ASAP2: variants seen among roughly 807,000 people sequenced by gnomAD.
The protein encoded by ASAP2 is arf-GAP with SH3 domain, ANK repeat and PH domain-containing protein 2.
A neutral mutation model predicts 131.4 loss-of-function variants in ASAP2; 45 were observed. That is an observed-to-expected ratio of 0.34 (90% confidence interval 0.27 to 0.44). The LOEUF is 0.44. Among genes scored for constraint, ASAP2 ranks in the 20% least tolerant of loss-of-function variants. ASAP2 has a pLI of 1.00. For missense variants in ASAP2, 1,011 were observed against 1,297.0 expected, an observed-to-expected ratio of 0.78 and a Z score of 3.39; for synonymous variants, 510 against 503.0, an observed-to-expected ratio of 1.01 and a Z score of -0.19.
At chr2:9,385,545 C>T (rs1025309776) in intron 21 of ASAP2, among the ~76,000 whole-genome samples, 187 bp downstream of exon 21, 3 of 152,160 alleles carry the variant, frequency 2.0e-5, no homozygotes, top group Non-Finnish European at 4.4e-5. Context: ...TCTCCCAGCT[C>T]CTGCACCCAT....
intron 1 of ASAP2, among the ~76,000 whole-genome samples, chr2:9,238,796 C>A (rs1663736130): frequency 6.6e-6 from 1 of 152,148 alleles, no homozygotes; most frequent in Non-Finnish European, 1.5e-5. Context: ...ACCTAAAACA[C>A]CCCGAAAGCT....
chr2:9,240,563 A>C (rs1021814618), intron 1 of ASAP2, among the ~76,000 whole-genome samples: 4 of 151,942 alleles, frequency 2.6e-5, no homozygotes, highest in Non-Finnish European at 4.4e-5. Flanking sequence ...AAAGTTAATG[A>C]TTTTTCCATC....
rs188866275 is a variant in ASAP2 at position 9,284,066 on chromosome 2, C to T, written c.199+4677C>T. On this transcript the variant is annotated intron_variant, in intron 2 of 27. Coordinates refer to ENST00000281419, the MANE Select transcript of ASAP2 (RefSeq NM_003887.3). ...CCCTTGTGATGACATTGGCCTCATC[C>T]AGATAATCCAGATAATCTCCCCATC... 1.3e-4 allele frequency among the ~76,000 whole-genome samples: 20 copies of T among 152,304 alleles called. 1 individual carries two copies. The East Asian group carries it at 3.3e-3, about 25-fold the overall frequency.
At position 9,391,141 on chromosome 2, in the gene ASAP2, G is replaced by T. The variant is rs146275239; in HGVS notation, c.2463G>T (p.Ser821=). ...ACGGTGGAAGCCGGCAGCGATCTTC[G>T]TCAGATCCGCCAGCTGTCCATCCAC... ...SVDGGSRQRS[S]SDPPAVHPPL... is the part of the protein sequence containing the mutation. The change falls in exon 23 of 28, where the codon TCG becomes TCT. Residue 821 remains serine (S), a synonymous_variant. Coordinates refer to ENST00000281419, the MANE Select transcript of ASAP2 (RefSeq NM_003887.3). 1 of 1,613,968 alleles carries T rather than the reference G, an allele frequency of 6.2e-7. No individual in the cohort carries two copies. Among genetic ancestry groups the T allele is most frequent in the Non-Finnish European group, 8.5e-7 (1 of 1,179,978 alleles).
At position 9,268,152 on chromosome 2, in the gene ASAP2, C is replaced by T. The variant is rs1210494783; in HGVS notation, c.127-11165C>T. On this transcript the variant is annotated intron_variant, in intron 1 of 27. Transcript: ENST00000281419. The surrounding 1 kb of genome is among the most constrained non-coding windows in gnomAD (Gnocchi z 4.1). ...TTGCTCAACATTTTTGTCAAGTTCACTTGTGTTGTGGGGTAAGTTTGTTCT... is the reference window on the plus strand; with the variant it reads ...TTGCTCAACATTTTTGTCAAGTTCATTTGTGTTGTGGGGTAAGTTTGTTCT... Among the ~76,000 whole-genome samples, 1 of 152,136 alleles carries T rather than the reference C, an allele frequency of 6.6e-6. No individual in the cohort carries two copies. The highest frequency in any genetic ancestry group is 1.5e-5 in the Non-Finnish European group (1 of 68,016).
intron 5 of ASAP2, among the ~76,000 whole-genome samples, chr2:9,320,815 G>T (rs539211394): frequency 6.6e-6 from 1 of 152,130 alleles, no homozygotes; most frequent in Admixed American, 6.5e-5. Flanking sequence ...AGATTCATCT[G>T]CCAAAAAATA....
At chr2:9,393,134 G>T (rs543983852) in intron 23 of ASAP2, among the ~76,000 whole-genome samples, 1 of 152,088 alleles carries the variant, frequency 6.6e-6, no homozygotes, top group African/African-American at 2.4e-5. Flanking sequence ...CTGCTTCCCC[G>T]GGCAGAGCTG....
At chr2:9,256,635 C>T (rs984936995) in intron 1 of ASAP2, among the ~76,000 whole-genome samples, 6 of 152,168 alleles carry the variant, frequency 3.9e-5, no homozygotes, top group African/African-American at 1.4e-4. Flanking sequence ...TTGTCTCTGT[C>T]TTGTGTAACT....
chr2:9,245,299 C>T (rs114304607), intron 1 of ASAP2, among the ~76,000 whole-genome samples: 2,600 of 152,140 alleles, frequency 0.017, 70 homozygotes, highest in African/African-American at 0.06. Context: ...GTGTTGCTGC[C>T]GTGGCTGTTG....
At chr2:9,238,346 T>G (rs1438232014) in intron 1 of ASAP2, among the ~76,000 whole-genome samples, 1 of 152,244 alleles carries the variant, frequency 6.6e-6, no homozygotes, top group Non-Finnish European at 1.5e-5. Flanking sequence ...AGAGCTGGAC[T>G]TAGGGGAACC....
At chr2:9,334,419 A>G (rs1163637581) in intron 7 of ASAP2, among the ~76,000 whole-genome samples, 1 of 151,812 alleles carries the variant, frequency 6.6e-6, no homozygotes, top group Non-Finnish European at 1.5e-5. Flanking sequence ...AGTGTCTTCC[A>G]CTTGCGCCCC....
chr2:9,318,440 A>G (rs1669947002), intron 3 of ASAP2, 84 bp from the exon 4 acceptor site: 1 of 1,000,576 alleles, frequency 1.0e-6, no homozygotes, highest in Admixed American at 2.0e-5. Context: ...TCATTATCAA[A>G]TGTTCTCTCT....
chr2:9,378,968 GA>G lies in ASAP2; in HGVS notation c.1860del (p.Gly621AlafsTer10). 6.6e-7 allele frequency: 1 copy of G among 1,512,308 alleles called. No individual in the cohort carries two copies. The highest frequency in any genetic ancestry group is 8.9e-7 in the Non-Finnish European group (1 of 1,125,460). 93.7% of individuals were successfully genotyped at this position (1,512,308 alleles called of 1,614,324 possible). On this transcript the variant is annotated frameshift_variant, in exon 19 of 28. Transcript: ENST00000281419. LOFTEE classifies it high-confidence loss of function. ...NSGNLDKQTG[K>X]GSTALHYCCL... is the part of the protein sequence containing the mutation. ...GTGGGAACCTGGATAAACAGACAGG[GA>G]AAGGCAGCACAGCCCTGCACTACTG...
intron 6 of ASAP2, among the ~76,000 whole-genome samples, chr2:9,325,365 A>G (rs551929669): frequency 9.2e-5 from 14 of 152,304 alleles, no homozygotes; most frequent in African/African-American, 2.6e-4. Context: ...GTTTTTCTCA[A>G]TCCTGCTTCT....
rs370139450 is a variant in ASAP2, at chr2:9,391,117, C to T, written c.2439C>T (p.Asp813=). Reference sequence around the variant, plus strand: ...GGAAGACAAACTCTGTAAGTGTGGACGGTGGAAGCCGGCAGCGATCTTCGT... The same window carrying T: ...GGAAGACAAACTCTGTAAGTGTGGATGGTGGAAGCCGGCAGCGATCTTCGT... ...TLWKTNSVSV[D]GGSRQRSSSD... The change falls in exon 23 of 28, where the codon GAC becomes GAT. Residue 813 remains aspartate, a synonymous_variant. Coordinates refer to ENST00000281419, the MANE Select transcript of ASAP2 (RefSeq NM_003887.3). The T allele has an allele frequency of 1.6e-5, 26 of 1,613,808 alleles. No individual in the cohort carries two copies. Among genetic ancestry groups the T allele is most frequent in the African/African-American group, 5.3e-5 (4 of 74,826 alleles).
intron 11 of ASAP2, among the ~76,000 whole-genome samples, chr2:9,345,576 T>C (rs1671909360): frequency 6.6e-6 from 1 of 152,128 alleles, no homozygotes; most frequent in Non-Finnish European, 1.5e-5. Context: ...TTTGGTAACA[T>C]CTCAAGGCCG....
intron 2 of ASAP2, among the ~76,000 whole-genome samples, chr2:9,284,566 A>G (rs1667346870): frequency 6.6e-6 from 1 of 152,202 alleles, no homozygotes; most frequent in African/African-American, 2.4e-5. Context: ...CATGTGTAAA[A>G]TGGGAATTTA....
At position 9,344,743 on chromosome 2, in the gene ASAP2, G is replaced by A; in HGVS notation, c.966G>A (p.Val322=). 1 of 1,614,174 alleles carries A rather than the reference G, an allele frequency of 6.2e-7. No homozygotes were observed. Among genetic ancestry groups the A allele is most frequent in the South Asian group, 1.1e-5 (1 of 91,084 alleles). Residue 322 remains valine, a synonymous_variant, in exon 11 of 28, where the codon GTG becomes GTA. Coordinates refer to ENST00000281419, the MANE Select transcript of ASAP2 (RefSeq NM_003887.3). ...ACTTATCCACAAGGATCCGAAAAGT[G>A]TGGCAGAAAAGGAAATGTTCAGTTA... ...LYKKSDGIRK[V]WQKRKCSVKN...
chr2:9,331,701 G>A (rs774456809), intron 7 of ASAP2, among the ~76,000 whole-genome samples: 2 of 152,156 alleles, frequency 1.3e-5, no homozygotes, highest in Non-Finnish European at 2.9e-5. Flanking sequence ...CCAAGAGGCG[G>A]AGGTTGCAGT....
Sources: gnomAD v4.1 joint callset for allele counts (sites outside exome capture counted in the v4.1 genomes callset) on GRCh38, gnomAD v4.1.1 for gene constraint, Gnocchi (gnomAD v3.1) non-coding constraint, MANE v1.5 for transcripts, NCBI Gene and HGNC (gene_info 2026-07-23, HGNC 2026-07-21) for gene names.